Variants in FAM81A observed in about 807,000 individuals in gnomAD.
FAM81A encodes the protein family with sequence similarity 81 member A, also known as protein FAM81A.
Under a neutral mutation model 46.7 loss-of-function variants are expected in FAM81A, and 19 were observed. The observed-to-expected ratio is 0.41, with a 90% CI of 0.28 to 0.60. The LOEUF (loss-of-function observed/expected upper bound fraction) is 0.60. FAM81A is among the 20% of genes least tolerant of loss of function. The pLI, the probability that FAM81A is intolerant of heterozygous loss-of-function variation, is 0.34. For missense variants in FAM81A, 377 were observed against 453.5 expected (o/e 0.83, Z 1.53); for synonymous variants, 183 against 152.9 (o/e 1.20, Z -1.45).
intron 2 of FAM81A, among the ~76,000 whole-genome samples, chr15:59,416,005 C>T (rs1173942029): frequency 6.6e-6 from 1 of 152,158 alleles, no homozygotes; most frequent in African/African-American, 2.4e-5. Context: ...GGCTGCTCTT[C>T]TAAAACATTT....
rs1596456601 is a variant in FAM81A, at chr15:59,401,612, G to T, written c.-160-664G>T. The T allele has an allele frequency of 7.7e-6, 7 of 906,674 alleles. No individual in the cohort carries two copies. The East Asian group carries it at 1.7e-4, about 22-fold the overall frequency. 56.2% of individuals were successfully genotyped at this position (906,674 alleles called of 1,614,324 possible). The stretch of plus-strand genomic sequence containing the variant: ...TGTTCGAATAACTTTTAATACTTCT[G>T]TTTCTCCCTGGGCACATACTTTAGG... On this transcript the variant is annotated intron_variant, in intron 1 of 4. Transcript: ENST00000558348.
At chr15:59,485,397 C>T (rs1326747396) in intron 3 of FAM81A, among the ~76,000 whole-genome samples, 1 of 152,138 alleles carries the variant, frequency 6.6e-6, no homozygotes, top group Non-Finnish European at 1.5e-5. Flanking sequence ...TTCCCAGCTC[C>T]AGGTAGCTCA....
chr15:59,420,510 A>T (rs958986801), intron 2 of FAM81A, among the ~76,000 whole-genome samples: 7 of 152,242 alleles, frequency 4.6e-5, no homozygotes, highest in Non-Finnish European at 8.8e-5. Flanking sequence ...CACATTTTAT[A>T]CCAAATACCA....
chr15:59,469,670 A>G (rs1178267093), intron 3 of FAM81A, among the ~76,000 whole-genome samples: 2 of 151,852 alleles, frequency 1.3e-5, no homozygotes, highest in African/African-American at 4.8e-5. Context: ...TCTTTATCCA[A>G]TTTGCCAGTC....
At chr15:59,419,049 A>G (rs2081159301) in intron 2 of FAM81A, among the ~76,000 whole-genome samples, 1 of 152,272 alleles carries the variant, frequency 6.6e-6, no homozygotes, top group South Asian at 2.1e-4. Context: ...TGTAGAAATT[A>G]GAAACTGGTA....
intron 1 of FAM81A, among the ~76,000 whole-genome samples, chr15:59,440,746 A>G (rs2081288892): frequency 1.3e-5 from 2 of 152,114 alleles, no homozygotes; most frequent in Admixed American, 6.5e-5. Flanking sequence ...TGCTGTTCCA[A>G]TCCTTCAGCC....
At chr15:59,507,191 G>C in intron 4 of FAM81A, 22 bp from the exon 5 acceptor site, 3 of 1,601,842 alleles carry the variant, frequency 1.9e-6, no homozygotes, top group Admixed American at 1.7e-5. Context: ...ATAAGAATCA[G>C]CTTTGTTCTT....
chr15:59,486,274 T>G (rs2081916175), intron 3 of FAM81A, among the ~76,000 whole-genome samples: 1 of 152,022 alleles, frequency 6.6e-6, no homozygotes, highest in Admixed American at 6.6e-5. Context: ...AATGCATCAG[T>G]CTGTTAGCAG....
chr15:59,424,504 A>G (rs932901357), intron 2 of FAM81A, among the ~76,000 whole-genome samples: 10 of 152,226 alleles, frequency 6.6e-5, no homozygotes, highest in Non-Finnish European at 1.5e-4. Flanking sequence ...TCAGACTCAC[A>G]GTTCCAGCTG....
At chr15:59,487,173 AAT>A (rs60734980) in intron 3 of FAM81A, among the ~76,000 whole-genome samples, 118,711 of 144,468 alleles carry the variant, frequency 0.82, 49,288 homozygotes, top group African/African-American at 0.94. Context: ...AGCACTCCTG[AAT>A]ATATATATAT....
At chr15:59,457,826 T>A (rs2081503027) in intron 1 of FAM81A, among the ~76,000 whole-genome samples, 2 of 152,198 alleles carry the variant, frequency 1.3e-5, no homozygotes, top group South Asian at 4.1e-4. Flanking sequence ...TCATAGTTAG[T>A]AGGCATTCAT....
At chr15:59,417,283 A>C (rs1466165337) in intron 2 of FAM81A, among the ~76,000 whole-genome samples, 1 of 151,976 alleles carries the variant, frequency 6.6e-6, no homozygotes, top group African/African-American at 2.4e-5. Flanking sequence ...ATGCCGTACC[A>C]CCCTGTCGCC....
At chr15:59,501,970 T>C (rs1365316065) in intron 4 of FAM81A, among the ~76,000 whole-genome samples, 2 of 152,090 alleles carry the variant, frequency 1.3e-5, no homozygotes, top group African/African-American at 4.8e-5. Flanking sequence ...CTAGATGAAA[T>C]AGCAATATTC....
In FAM81A at chr15:59,508,203, G is replaced by A. The variant is rs566007751; in HGVS notation, c.544-660G>A. Among the ~76,000 whole-genome samples the A allele has an allele frequency of 6.6e-5, 10 of 152,302 alleles. No homozygotes were observed. The South Asian group carries it at 2.1e-3, about 32-fold the overall frequency. ...TAAGGAAATCATAAGCTTCTTTATA[G>A]CCAGGCCAAGTCAAATATGTACAGA... is the stretch of plus-strand genomic sequence containing the variant. On this transcript the variant is annotated intron_variant, in intron 5 of 8. Transcript: ENST00000288228.
At chr15:59,425,416 T>C (rs1440096157) in intron 2 of FAM81A, among the ~76,000 whole-genome samples, 2 of 152,252 alleles carry the variant, frequency 1.3e-5, no homozygotes, top group East Asian at 3.8e-4. Context: ...GATAATTATT[T>C]TAATTATCTG....
At chr15:59,489,294 C>CATACATAT (rs1555432334) in intron 3 of FAM81A, among the ~76,000 whole-genome samples, 20 of 150,676 alleles carry the variant, frequency 1.3e-4, no homozygotes, top group African/African-American at 4.9e-4. Flanking sequence ...TACATACATA[C>CATACATAT]ATACATACAT....
At chr15:59,459,808 C>A in intron 2 of FAM81A, 125 bp from the exon 3 acceptor site, 1 of 1,340,240 alleles carries the variant, frequency 7.5e-7, no homozygotes, top group Non-Finnish European at 9.9e-7. Flanking sequence ...AGAAATCCTG[C>A]CTCAAACCCT....
chr15:59,458,061 A>T (rs2081505891), intron 1 of FAM81A, among the ~76,000 whole-genome samples: 1 of 152,196 alleles, frequency 6.6e-6, no homozygotes, highest in Non-Finnish European at 1.5e-5. Flanking sequence ...ATCAGATCAC[A>T]TTGATCATGT....
chr15:59,410,514 CAAG>C (rs1191638684), intron 2 of FAM81A, among the ~76,000 whole-genome samples: 1 of 147,592 alleles, frequency 6.8e-6, no homozygotes, highest in African/African-American at 2.5e-5. Flanking sequence ...ATGAGTGAGG[CAAG>C]AAGGAGAATA....
Sources: allele counts gnomAD v4.1 joint callset (sites outside exome capture counted in the v4.1 genomes callset), GRCh38; gene constraint gnomAD v4.1.1; transcripts MANE v1.5; gene names NCBI Gene and HGNC (gene_info 2026-07-23, HGNC 2026-07-21).